The following NCKAP5 variants were observed in gnomAD, a reference collection of about 807,000 sequenced individuals.
NCKAP5 encodes the protein NCK associated protein 5.
In NCKAP5, 92 loss-of-function variants were observed where a neutral mutation model predicts 167.0. The observed-to-expected ratio is 0.55, with a 90% CI of 0.47 to 0.66. The LOEUF (loss-of-function observed/expected upper bound fraction) is 0.66. Ranked by LOEUF, NCKAP5 falls within the 30% of genes least tolerant of loss-of-function variation. The pLI, the probability that NCKAP5 is intolerant of heterozygous loss-of-function variation, is 0.00. For synonymous variants in NCKAP5, 891 were observed against 877.4 expected (o/e 1.02, Z -0.27); for missense variants, 2,378 against 2,315.0 (o/e 1.03, Z -0.56).
chr2:132,787,347 CAAA>C (rs34393093), intron 13 of NCKAP5, among the ~76,000 whole-genome samples: 25 of 104,414 alleles, frequency 2.4e-4, no homozygotes, highest in African/African-American at 5.5e-4. Context: ...GACTCCGTTT[CAAA>C]AAAAAAAAAA....
intron 3 of NCKAP5, among the ~76,000 whole-genome samples, chr2:133,401,862 C>A (rs1688122958): frequency 6.6e-6 from 1 of 152,142 alleles, no homozygotes; most frequent in Non-Finnish European, 1.5e-5. Context: ...CCTAGAATGG[C>A]AATGAAGTCC....
At chr2:133,015,215 C>G (rs914568917) in intron 6 of NCKAP5, among the ~76,000 whole-genome samples, 9 of 151,938 alleles carry the variant, frequency 5.9e-5, no homozygotes, top group African/African-American at 1.7e-4. Flanking sequence ...ATTTTAATCA[C>G]CATTTGATAC....
Position 132,723,087 on chromosome 2 carries a change from G to A in NCKAP5, c.5713+2540C>T, listed in dbSNP as rs187037512. Among the ~76,000 whole-genome samples, 1,269 of 150,940 alleles carry A rather than the reference G, an allele frequency of 8.4e-3. 11 individuals are homozygous for A. Among genetic ancestry groups the A allele is most frequent in the Non-Finnish European group, 0.015 (1,016 of 67,856 alleles). On this transcript the variant is annotated intron_variant, in intron 19 of 19. Coordinates refer to ENST00000409261, the MANE Select transcript of NCKAP5 (RefSeq NM_207363.3). ...AGTTATTCTCTTGCCTTACCGTCCC[G>A]AAGTGCTGGGATTACAGGCATGAGC...
intron 4 of NCKAP5, among the ~76,000 whole-genome samples, chr2:133,226,667 G>A: frequency 7.0e-6 from 1 of 143,438 alleles, no homozygotes; most frequent in South Asian, 2.2e-4. Flanking sequence ...GAAGATGAAA[G>A]CATACATTGA....
chr2:133,547,031 C>T (rs533851468), intron 2 of NCKAP5, among the ~76,000 whole-genome samples: 2 of 152,190 alleles, frequency 1.3e-5, no homozygotes, highest in South Asian at 4.1e-4. Context: ...GCACCGTGCG[C>T]GAGCTGAAGC....
chr2:132,858,145 A>C (rs1689614207), intron 11 of NCKAP5, among the ~76,000 whole-genome samples: 1 of 152,188 alleles, frequency 6.6e-6, no homozygotes, highest in Non-Finnish European at 1.5e-5. Flanking sequence ...AACTACTTAG[A>C]AATCTGCTAT....
At chr2:132,815,336 T>C (rs4953995) in intron 11 of NCKAP5, among the ~76,000 whole-genome samples, 6,430 of 152,246 alleles carry the variant, frequency 0.042, 298 homozygotes, top group East Asian at 0.13. Context: ...CTTAGACTCA[T>C]TTGAGAAACT....
intron 4 of NCKAP5, among the ~76,000 whole-genome samples, chr2:133,277,019 G>A (rs1254853691): frequency 1.3e-5 from 2 of 152,056 alleles, no homozygotes; most frequent in Admixed American, 6.5e-5. Flanking sequence ...AGGAATTGAT[G>A]TATATTTTCT....
At chr2:133,489,117 A>C (rs906797219) in intron 3 of NCKAP5, among the ~76,000 whole-genome samples, 1 of 152,122 alleles carries the variant, frequency 6.6e-6, no homozygotes, top group Non-Finnish European at 1.5e-5. Flanking sequence ...GTTAAGGGGG[A>C]CATAGTACAT....
At chr2:133,524,673 A>C (rs1424507363) in intron 2 of NCKAP5, among the ~76,000 whole-genome samples, 1 of 152,152 alleles carries the variant, frequency 6.6e-6, no homozygotes, top group Non-Finnish European at 1.5e-5. Context: ...GCTACCAAAT[A>C]GAATGTTTGA....
chr2:133,268,257 G>A (rs2089336921), intron 4 of NCKAP5: 1 of 152,202 alleles, frequency 6.6e-6, no homozygotes, highest in South Asian at 2.1e-4. Flanking sequence ...GGCAGAGACT[G>A]TGTTTTCCAC....
upstream of NCKAP5, among the ~76,000 whole-genome samples, chr2:133,572,756 T>C (rs1324960075): frequency 6.6e-6 from 1 of 152,154 alleles, no homozygotes; most frequent in Non-Finnish European, 1.5e-5. Context: ...AAGGGCAGCA[T>C]AGGAACACCT....
intron 6 of NCKAP5, among the ~76,000 whole-genome samples, chr2:133,073,455 A>G (rs1265763955): frequency 6.6e-6 from 1 of 152,220 alleles, no homozygotes; most frequent in African/African-American, 2.4e-5. Flanking sequence ...AATGTAGACC[A>G]TCGTGCAAGT....
chr2:132,983,982 C>T (rs1239258195), intron 7 of NCKAP5, among the ~76,000 whole-genome samples: 1 of 152,176 alleles, frequency 6.6e-6, no homozygotes, highest in East Asian at 1.9e-4. Flanking sequence ...GAAAACTAAG[C>T]ATGGTGGCTC....
At chr2:133,380,680 C>T (rs1255196600) in intron 3 of NCKAP5, among the ~76,000 whole-genome samples, 1 of 152,158 alleles carries the variant, frequency 6.6e-6, no homozygotes, top group Non-Finnish European at 1.5e-5. Flanking sequence ...TCTATCTGTG[C>T]TGCCAGGCAA....
chr2:133,033,642 T>C (rs1286599893), intron 6 of NCKAP5, among the ~76,000 whole-genome samples: 3 of 152,118 alleles, frequency 2.0e-5, no homozygotes, highest in South Asian at 2.1e-4. Context: ...CAGAATTCTA[T>C]CAGATAAATT....
At chr2:133,142,990 T>C (rs1466666408) in intron 5 of NCKAP5, among the ~76,000 whole-genome samples, 1 of 152,124 alleles carries the variant, frequency 6.6e-6, no homozygotes, top group Non-Finnish European at 1.5e-5. Context: ...GAAAAGTGAT[T>C]TGGCAAGACC....
At chr2:132,757,806 G>A (rs948876908) in intron 16 of NCKAP5, among the ~76,000 whole-genome samples, 13 of 152,162 alleles carry the variant, frequency 8.5e-5, no homozygotes, top group African/African-American at 2.9e-4. Context: ...TTGCTAAATG[G>A]CAAAACGGGC....
chr2:132,913,632 G>A (rs1056130963), intron 8 of NCKAP5, among the ~76,000 whole-genome samples: 8 of 152,092 alleles, frequency 5.3e-5, no homozygotes, highest in Non-Finnish European at 1.2e-4. Context: ...ACTTTGGGAG[G>A]TGGACGCTGA....
Sources: gnomAD v4.1 joint callset for allele counts (sites outside exome capture counted in the v4.1 genomes callset) on GRCh38, gnomAD v4.1.1 for gene constraint, MANE v1.5 for transcripts, NCBI Gene and HGNC (gene_info 2026-07-23, HGNC 2026-07-21) for gene names.